DST: variants seen among roughly 807,000 people sequenced by gnomAD.
DST encodes the protein bullous pemphigoid antigen.
In DST, 253 loss-of-function variants were observed where a neutral mutation model predicts 875.2. The ratio of observed to expected loss-of-function variants is 0.29; its 90% confidence interval spans 0.26 to 0.32. The LOEUF (loss-of-function observed/expected upper bound fraction) is 0.32. DST is among the 10% of genes least tolerant of loss of function. The pLI is 1.00. For synonymous variants in DST, 3,124 were observed against 3,197.1 expected, an observed-to-expected ratio of 0.98 and a Z score of 0.77; for missense variants, 8,287 against 9,111.6, an observed-to-expected ratio of 0.91 and a Z score of 3.68.
At chr6:56,651,093 T>C in intron 11 of DST, 39 bp downstream of exon 11, 1 of 1,590,986 alleles carries the variant, frequency 6.3e-7, no homozygotes. Context: ...TTGATCAGAC[T>C]TTCATGCCAG....
At position 56,627,982 on chromosome 6, in the gene DST, G is replaced by C; in HGVS notation, c.4638+17C>G. 1 of 1,612,036 alleles carries C rather than the reference G, an allele frequency of 6.2e-7. No individual in the cohort carries two copies. The highest frequency in any genetic ancestry group is 1.3e-5 in the African/African-American group (1 of 74,984). ...AATGCAGACATAACCTCAGTAGAGG[G>C]AATTATTTTTACATACCTTCTGTTG... On this transcript the variant is annotated intron_variant, in intron 33 of 103. Coordinates refer to ENST00000680361, the MANE Select transcript of DST (RefSeq NM_001374736.1).
At chr6:56,801,139 T>G (rs370668793) in intron 4 of DST, among the ~76,000 whole-genome samples, 24,695 of 152,064 alleles carry the variant, frequency 0.16, 2,215 homozygotes, top group Non-Finnish European at 0.19. Flanking sequence ...TTTTAACCTT[T>G]GCCACATTTT....
intron 56 of DST, 108 bp from the exon 57 acceptor site, chr6:56,561,657 A>G: frequency 2.8e-6 from 3 of 1,082,936 alleles, no homozygotes; most frequent in South Asian, 3.5e-5. Context: ...CTAGCTTGTC[A>G]TTATTAAGCC....
At chr6:56,841,705 T>G (rs981130530) in intron 4 of DST, among the ~76,000 whole-genome samples, 1 of 152,224 alleles carries the variant, frequency 6.6e-6, no homozygotes, top group Non-Finnish European at 1.5e-5. Context: ...AGAGCACAGA[T>G]GTATTTCTTC....
chr6:56,492,934 CT>C lies in DST; in HGVS notation c.20549del (p.Lys6850ArgfsTer7). 1 of 1,601,342 alleles carries C rather than the reference CT, an allele frequency of 6.2e-7. No homozygotes were observed. The highest frequency in any genetic ancestry group is 8.5e-7 in the Non-Finnish European group (1 of 1,173,716). On this transcript the variant is annotated frameshift_variant and splice_region_variant, in exon 84 of 104. Transcript: ENST00000680361. LOFTEE classifies it high-confidence loss of function. ...CCTATCTATTTGACTCACTACATAC[CT>C]TGTGTTCGTCAATTTGAAATAAGAC... is the stretch of plus-strand genomic sequence containing the variant. ...DTVLFQIDEH[K>X]VFANEVNSHR...
intron 4 of DST, among the ~76,000 whole-genome samples, chr6:56,783,287 T>G (rs2099698057): frequency 1.3e-5 from 2 of 152,184 alleles, no homozygotes; most frequent in Admixed American, 1.3e-4. Context: ...CTTGTTAACT[T>G]TCTGTCTCAT....
intron 102 of DST, chr6:56,462,071 C>G (rs1267572495): frequency 6.6e-6 from 1 of 152,152 alleles, no homozygotes. Flanking sequence ...CATAAGAGGG[C>G]TTTTAAAAGT....
At chr6:56,652,544 A>C (rs1201422195) in intron 10 of DST, among the ~76,000 whole-genome samples, 1 of 152,244 alleles carries the variant, frequency 6.6e-6, no homozygotes, top group Non-Finnish European at 1.5e-5. Flanking sequence ...AATGAAATGC[A>C]GATTATTTTG....
intron 5 of DST, among the ~76,000 whole-genome samples, chr6:56,728,509 A>G (rs1290647894): frequency 1.3e-5 from 2 of 152,070 alleles, no homozygotes; most frequent in Non-Finnish European, 2.9e-5. Flanking sequence ...CCTCGTCTCT[A>G]TTAAAAAATA....
chr6:56,798,234 T>C (rs892462271), intron 4 of DST, among the ~76,000 whole-genome samples: 1 of 152,194 alleles, frequency 6.6e-6, no homozygotes, highest in Non-Finnish European at 1.5e-5. Context: ...AGATGCCACA[T>C]AGGACTTTCA....
At chr6:56,760,898 CAT>C (rs113061019) in intron 4 of DST, among the ~76,000 whole-genome samples, 2,059 of 152,290 alleles carry the variant, frequency 0.014, 43 homozygotes, top group African/African-American at 0.046. Flanking sequence ...ACAGACAACT[CAT>C]GTGGTGGTTT....
chr6:56,553,544 G>C lies in DST; in HGVS notation c.15248C>G (p.Ser5083Cys), dbSNP rs767893282. 7 of 1,613,910 alleles carry C rather than the reference G, an allele frequency of 4.3e-6. No homozygotes were observed. The highest frequency in any genetic ancestry group is 5.9e-6 in the Non-Finnish European group (7 of 1,179,884). ...ATCGAGTTTGGCAGATATTGGATGA[G>C]ATTTGTTTTGCTCTTCTTTCTTTGT... is the stretch of plus-strand genomic sequence containing the variant. ...LDTKKEEQNK[S>C]HPISAKLDVL... The change falls in exon 61 of 104, where the codon TCT (serine) becomes TGT (cysteine). Residue 5083 changes from serine to cysteine, a missense_variant. This residue lies in a region of DST where 1,513 missense variants were observed against 1,677.8 expected (regional missense o/e 0.90). Coordinates refer to ENST00000680361, the MANE Select transcript of DST (RefSeq NM_001374736.1).
At chr6:56,625,041 T>G in intron 35 of DST, 116 bp downstream of exon 35, 1 of 764,384 alleles carries the variant, frequency 1.3e-6, no homozygotes, top group Non-Finnish European at 2.3e-6. Context: ...CATTTAAAAT[T>G]GTTAAAATAG....
chr6:56,856,165 C>T (rs145714287), intron 3 of DST, among the ~76,000 whole-genome samples: 166 of 152,280 alleles, frequency 1.1e-3, no homozygotes, highest in African/African-American at 3.8e-3. Context: ...TTACATAATG[C>T]AACATTTTTA....
chr6:56,472,327 G>A (rs1197123014), intron 93 of DST, 105 bp from the exon 94 acceptor site: 4 of 993,006 alleles, frequency 4.0e-6, no homozygotes, highest in African/African-American at 1.6e-5. Context: ...ACTTAATTAC[G>A]TGTTTACGCA....
intron 10 of DST, among the ~76,000 whole-genome samples, chr6:56,657,718 C>A (rs896495069): frequency 1.3e-5 from 2 of 152,244 alleles, no homozygotes; most frequent in Admixed American, 1.3e-4. Context: ...CAACTTAAAA[C>A]TGATTAAGAT....
At position 56,604,275 on chromosome 6, in the gene DST, T is replaced by C. The variant is rs1384611404; in HGVS notation, c.10353A>G (p.Gln3451=). The C allele has an allele frequency of 6.2e-7, 1 of 1,611,962 alleles. No homozygotes were observed. The highest frequency in any genetic ancestry group is 8.5e-7 in the Non-Finnish European group (1 of 1,178,936). Residue 3451 remains glutamine (Q), a synonymous_variant, in exon 40 of 104, where the codon CAA becomes CAG. Transcript: ENST00000680361. ...KSELLLNILK[Q]DQHSQKITGV... ...CTGTAATTTTTTGGCTATGTTGATC[T>C]TGCTTCAATATATTAAGGAGAAGCT... is the stretch of plus-strand genomic sequence containing the variant.
chr6:56,643,255 G>T (rs1404130138), intron 15 of DST, among the ~76,000 whole-genome samples: 2 of 152,160 alleles, frequency 1.3e-5, no homozygotes, highest in Non-Finnish European at 1.5e-5. Flanking sequence ...AAAAGACCAG[G>T]TCTGTGCTGA....
intron 2 of DST, among the ~76,000 whole-genome samples, chr6:56,932,421 G>C (rs993749642): frequency 5.3e-5 from 8 of 152,134 alleles, no homozygotes; most frequent in African/African-American, 1.9e-4. Flanking sequence ...TGGACTAATA[G>C]AGGGGCATTT....
Sources: allele counts gnomAD v4.1 joint callset (sites outside exome capture counted in the v4.1 genomes callset), GRCh38; gene constraint gnomAD v4.1.1; regional missense constraint gnomAD v4.1.1; transcripts MANE v1.5; gene names NCBI Gene and HGNC (gene_info 2026-07-23, HGNC 2026-07-21).